The following SERPINB8 variants were observed in gnomAD, a reference collection of about 807,000 sequenced individuals.
SERPINB8 encodes the protein serpin family B member 8.
A neutral mutation model predicts 35.3 loss-of-function variants in SERPINB8; 25 were observed. That is an observed-to-expected ratio of 0.71 (90% CI 0.52 to 0.99). SERPINB8 has a LOEUF of 0.99. Among genes scored for constraint, SERPINB8 ranks in the 50% least tolerant of loss-of-function variants. SERPINB8 has a pLI of 0.00. For missense variants in SERPINB8, 484 were observed against 446.5 expected (o/e 1.08, Z -0.76); for synonymous variants, 186 against 160.8 (o/e 1.16, Z -1.19).
chr18:63,978,262 G>A (rs753025951), intron 1 of SERPINB8, 37 bp from the exon 2 acceptor site: 1 of 1,612,380 alleles, frequency 6.2e-7, no homozygotes, highest in South Asian at 1.1e-5. Flanking sequence ...CGGAGTCATT[G>A]GCTTATGTGC....
Position 64,017,181 on chromosome 18 carries a change from C to T in SERPINB8, c.*3-1729C>T, listed in dbSNP as rs372193005. On this transcript the variant is annotated intron_variant, in intron 7 of 7. Coordinates refer to the SERPINB8 transcript ENST00000636430. ...TATATCACACTCCATTTTTCGGTGA[C>T]GTGAGGACATTTGAGCAGAAGCTTC... Among the ~76,000 whole-genome samples the T allele has an allele frequency of 4.2e-3, 634 of 152,186 alleles. 2 individuals are homozygous for T. Among genetic ancestry groups the T allele is most frequent in the Middle Eastern group, 0.01 (3 of 294 alleles).
intron 3 of SERPINB8, among the ~76,000 whole-genome samples, chr18:63,980,567 C>T (rs2050655189): frequency 6.6e-6 from 1 of 152,146 alleles, no homozygotes; most frequent in Non-Finnish European, 1.5e-5. Context: ...TGAGAGGACT[C>T]CTCTAAGGCT....
At chr18:63,973,258 T>C (rs1485939511) in intron 1 of SERPINB8, among the ~76,000 whole-genome samples, 3 of 152,272 alleles carry the variant, frequency 2.0e-5, no homozygotes, top group Non-Finnish European at 2.9e-5. Flanking sequence ...TGAACGTTTT[T>C]TCACGTGTCT....
At chr18:63,997,008 G>C (rs754095681) in intron 1 of SERPINB8, among the ~76,000 whole-genome samples, 1 of 152,108 alleles carries the variant, frequency 6.6e-6, no homozygotes, top group Non-Finnish European at 1.5e-5. Flanking sequence ...CCCTTCCCCT[G>C]GACCCCATGG....
downstream of SERPINB8, among the ~76,000 whole-genome samples, chr18:63,993,949 T>C (rs1043945659): frequency 1.3e-5 from 2 of 152,188 alleles, no homozygotes; most frequent in African/African-American, 4.8e-5. Flanking sequence ...TGAGACACTG[T>C]TCAGGAGCCT....
chr18:64,014,655 A>G (rs1038776176), intron 7 of SERPINB8, among the ~76,000 whole-genome samples: 2 of 152,196 alleles, frequency 1.3e-5, no homozygotes, highest in Admixed American at 1.3e-4. Context: ...TATTCCAAAC[A>G]GTTTCCACAC....
chr18:63,985,007 A>T, intron 5 of SERPINB8, 86 bp from the exon 6 acceptor site: 1 of 1,348,684 alleles, frequency 7.4e-7, no homozygotes. Flanking sequence ...AATTATACAC[A>T]CCTAGAGTTT....
chr18:64,015,286 T>C (rs1302961836), intron 7 of SERPINB8, among the ~76,000 whole-genome samples: 7 of 152,120 alleles, frequency 4.6e-5, no homozygotes. Flanking sequence ...GATTTGTAGA[T>C]AGACTTCAGG....
At chr18:63,986,246 A>G in intron 6 of SERPINB8, 1 of 1,609,688 alleles carries the variant, frequency 6.2e-7, no homozygotes, top group Non-Finnish European at 8.5e-7. Context: ...TTTCTACCTT[A>G]TTGATAAATA....
At chr18:64,013,433 G>A (rs1436903881) in intron 7 of SERPINB8, among the ~76,000 whole-genome samples, 3 of 152,126 alleles carry the variant, frequency 2.0e-5, no homozygotes, top group African/African-American at 7.2e-5. Flanking sequence ...TCTTTGGTAT[G>A]TTTCCTTTTC....
chr18:64,013,052 C>A (rs889284734), intron 7 of SERPINB8, among the ~76,000 whole-genome samples: 3 of 152,128 alleles, frequency 2.0e-5, no homozygotes, highest in African/African-American at 7.2e-5. Context: ...TCTCTCAGGG[C>A]AGCTTTTAAG....
At chr18:63,980,012 A>T (rs2050646263) in intron 3 of SERPINB8, 74 bp downstream of exon 3, 1 of 1,455,332 alleles carries the variant, frequency 6.9e-7, no homozygotes, top group Non-Finnish European at 9.5e-7. Context: ...ATAATAAAGT[A>T]TAACTGTACT....
chr18:64,017,772 C>T (rs1398286932), intron 7 of SERPINB8, among the ~76,000 whole-genome samples: 1 of 152,188 alleles, frequency 6.6e-6, no homozygotes, highest in Non-Finnish European at 1.5e-5. Flanking sequence ...AATCACATTG[C>T]ACACCATCAG....
At chr18:63,986,373 A>G in intron 6 of SERPINB8, 2 of 1,569,010 alleles carry the variant, frequency 1.3e-6, no homozygotes, top group South Asian at 2.4e-5. Context: ...CTCCCTTCTC[A>G]TGCCTCCCTT....
At chr18:63,977,489 G>A (rs1487071146) in intron 1 of SERPINB8, among the ~76,000 whole-genome samples, 1 of 152,040 alleles carries the variant, frequency 6.6e-6, no homozygotes, top group Non-Finnish European at 1.5e-5. Context: ...CACCATGCCT[G>A]GATAATTTTT....
downstream of SERPINB8, among the ~76,000 whole-genome samples, chr18:63,990,344 G>A (rs151291516): frequency 2.7e-3 from 415 of 152,092 alleles, 1 homozygote; most frequent in African/African-American, 9.4e-3. Flanking sequence ...CCAAAATTCT[G>A]GGATTACAGG....
chr18:63,989,980 C>T (rs1229448548), downstream of SERPINB8, among the ~76,000 whole-genome samples: 1 of 141,016 alleles, frequency 7.1e-6, no homozygotes, highest in Non-Finnish European at 1.5e-5. Context: ...CCAAAATGTG[C>T]TTATTTGCTA....
intron 1 of SERPINB8, among the ~76,000 whole-genome samples, chr18:63,974,917 C>G (rs2050557234): frequency 6.6e-6 from 1 of 151,962 alleles, no homozygotes; most frequent in South Asian, 2.1e-4. Context: ...ACATACTGAC[C>G]AGCACCTGAG....
intron 1 of SERPINB8, among the ~76,000 whole-genome samples, chr18:63,972,794 C>T (rs2050509850): frequency 6.6e-6 from 1 of 152,166 alleles, no homozygotes; most frequent in African/African-American, 2.4e-5. Flanking sequence ...CCAGCTTCAT[C>T]CATGTCCCTA....
Sources: gnomAD v4.1 joint callset for allele counts (sites outside exome capture counted in the v4.1 genomes callset) on GRCh38, gnomAD v4.1.1 for gene constraint, MANE v1.5 for transcripts, NCBI Gene and HGNC (gene_info 2026-07-23, HGNC 2026-07-21) for gene names.